Variants in JAZF1 observed in about 807,000 individuals in gnomAD.
JAZF1 encodes juxtaposed with another zinc finger protein 1.
Under a neutral mutation model 26.4 loss-of-function variants are expected in JAZF1, and 8 were observed. The ratio of observed to expected loss-of-function variants is 0.30; its 90% confidence interval spans 0.18 to 0.55. The LOEUF (loss-of-function observed/expected upper bound fraction) is 0.55, where lower values mean the gene tolerates loss of function less well. Among genes scored for constraint, JAZF1 ranks in the 20% least tolerant of loss-of-function variants. The probability of loss-of-function intolerance (pLI) is 0.94; values close to 1 mark genes in which losing one functional copy is unlikely to be tolerated. For missense variants in JAZF1, 199 were observed against 322.0 expected, an observed-to-expected ratio of 0.62 and a Z score of 2.92; for synonymous variants, 126 against 122.3, an observed-to-expected ratio of 1.03 and a Z score of -0.20.
intron 1 of JAZF1, among the ~76,000 whole-genome samples, chr7:28,035,538 T>C (rs1343804473): frequency 6.6e-6 from 1 of 151,938 alleles, no homozygotes; most frequent in Non-Finnish European, 1.5e-5. Context: ...TAAAAGCAAA[T>C]AATCCACTCA....
intron 3 of JAZF1, among the ~76,000 whole-genome samples, chr7:27,862,578 T>C (rs1455266916): frequency 2.0e-5 from 3 of 152,186 alleles, no homozygotes; most frequent in Admixed American, 6.5e-5. Flanking sequence ...ACCACGTACC[T>C]ATTAGGTTGC....
chr7:27,935,646 C>T (rs1026144414), intron 2 of JAZF1, among the ~76,000 whole-genome samples: 11 of 152,150 alleles, frequency 7.2e-5, no homozygotes, highest in Non-Finnish European at 1.6e-4. Context: ...TGTGAATATA[C>T]TAAAACCAAT....
intron 1 of JAZF1, among the ~76,000 whole-genome samples, chr7:28,017,470 T>C (rs1236418126): frequency 1.3e-5 from 2 of 152,198 alleles, no homozygotes; most frequent in Non-Finnish European, 2.9e-5. Flanking sequence ...CATAGGATTG[T>C]ACATACTGTC....
chr7:28,090,199 T>C (rs1328380043), intron 1 of JAZF1, among the ~76,000 whole-genome samples: 1 of 152,248 alleles, frequency 6.6e-6, no homozygotes. Flanking sequence ...CATCGGACTA[T>C]AGTGAAGATT....
At chr7:28,015,855 G>T (rs1040652695) in intron 1 of JAZF1, among the ~76,000 whole-genome samples, 1 of 152,108 alleles carries the variant, frequency 6.6e-6, no homozygotes, top group Non-Finnish European at 1.5e-5. Flanking sequence ...GATCGTCCCT[G>T]AAAAATAACT....
chr7:27,887,016 T>C (rs1231353440), intron 3 of JAZF1, among the ~76,000 whole-genome samples: 24 of 152,132 alleles, frequency 1.6e-4, no homozygotes, highest in Admixed American at 1.6e-3. Context: ...AACCAAATAC[T>C]GCATGTTCTT....
chr7:28,118,761 T>TAC (rs10612400), intron 1 of JAZF1, among the ~76,000 whole-genome samples: 9,915 of 148,694 alleles, frequency 0.067, 544 homozygotes, highest in African/African-American at 0.16. Context: ...AAGAGAGTTT[T>TAC]ACACACACAC....
At chr7:28,145,673 G>C (rs1405715018) in intron 1 of JAZF1, among the ~76,000 whole-genome samples, 1 of 151,824 alleles carries the variant, frequency 6.6e-6, no homozygotes, top group Non-Finnish European at 1.5e-5. Flanking sequence ...TGTGTAGTTT[G>C]ATGGGTTCTG....
In JAZF1 at chr7:28,155,039, G is replaced by A. The variant is rs528369937; in HGVS notation, c.115+25424C>T. 1.5e-3 allele frequency among the ~76,000 whole-genome samples: 222 copies of A among 152,108 alleles called. 1 individual carries two copies. Among genetic ancestry groups the A allele is most frequent in the African/African-American group, 5.2e-3 (217 of 41,498 alleles). On this transcript the variant is annotated intron_variant, in intron 1 of 4. Coordinates refer to ENST00000283928, the MANE Select transcript of JAZF1 (RefSeq NM_175061.4). ...AAAACTAAAAATAAAATTGGCTTGC[G>A]GTTTACTAAATTTGGTTGCAAGTAC...
intron 1 of JAZF1, among the ~76,000 whole-genome samples, chr7:28,170,474 A>T (rs929797374): frequency 2.0e-5 from 3 of 151,906 alleles, no homozygotes; most frequent in Non-Finnish European, 2.9e-5. Context: ...ATCATCAGCG[A>T]GAGAGAGAAA....
chr7:27,834,610 GA>G (rs1434772476), intron 4 of JAZF1, among the ~76,000 whole-genome samples: 1 of 152,220 alleles, frequency 6.6e-6, no homozygotes, highest in Non-Finnish European at 1.5e-5. Flanking sequence ...CAGGAAAGGG[GA>G]GGGTAGTGGT....
chr7:28,149,980 C>T (rs541755031), intron 1 of JAZF1, among the ~76,000 whole-genome samples: 7 of 152,314 alleles, frequency 4.6e-5, no homozygotes, highest in African/African-American at 1.7e-4. Context: ...AAGGTTTTAC[C>T]TTCCTCTATT....
chr7:27,904,707 A>G (rs1784221509), intron 2 of JAZF1, among the ~76,000 whole-genome samples: 1 of 150,382 alleles, frequency 6.6e-6, no homozygotes, highest in Non-Finnish European at 1.5e-5. Flanking sequence ...TTAAAATTCT[A>G]ATGAAAAATA....
chr7:28,035,339 A>G (rs959307621), intron 1 of JAZF1, among the ~76,000 whole-genome samples: 7 of 147,838 alleles, frequency 4.7e-5, no homozygotes, highest in African/African-American at 1.7e-4. Context: ...AAAAAAAAAA[A>G]AAAAGAAAGA....
chr7:27,955,693 T>C (rs1018044884), intron 2 of JAZF1, among the ~76,000 whole-genome samples: 3 of 152,194 alleles, frequency 2.0e-5, no homozygotes, highest in African/African-American at 7.2e-5. Flanking sequence ...TACAACTCAT[T>C]GTGACAGTGT....
At chr7:27,965,779 C>T (rs1332505008) in intron 2 of JAZF1, among the ~76,000 whole-genome samples, 1 of 152,138 alleles carries the variant, frequency 6.6e-6, no homozygotes, top group Non-Finnish European at 1.5e-5. Context: ...GGCATTCCTC[C>T]CTTATCCCTA....
chr7:27,855,521 T>C (rs1783232605), intron 3 of JAZF1, among the ~76,000 whole-genome samples: 1 of 152,024 alleles, frequency 6.6e-6, no homozygotes, highest in Admixed American at 6.6e-5. Context: ...TAAAAAATGA[T>C]AAAGAGGATA....
intron 2 of JAZF1, among the ~76,000 whole-genome samples, chr7:27,900,435 A>T (rs962823595): frequency 5.9e-5 from 9 of 152,240 alleles, no homozygotes; most frequent in Non-Finnish European, 1.3e-4. Flanking sequence ...TTATAACTAT[A>T]TTCTGTATAA....
chr7:27,992,004 A>AT (rs774163830), intron 1 of JAZF1, 23 bp from the exon 2 acceptor site: 632 of 1,453,302 alleles, frequency 4.3e-4, no homozygotes, highest in Non-Finnish European at 5.6e-4. Context: ...CACAATTACG[A>AT]TTTTTTTTAG....
Sources: allele counts gnomAD v4.1 joint callset (sites outside exome capture counted in the v4.1 genomes callset), GRCh38; gene constraint gnomAD v4.1.1; transcripts MANE v1.5; gene names NCBI Gene and HGNC (gene_info 2026-07-23, HGNC 2026-07-21).